Variants in MREG observed in about 807,000 individuals in gnomAD.
The protein encoded by MREG is melanoregulin.
A neutral mutation model predicts 28.5 loss-of-function variants in MREG; 31 were observed. That is an observed-to-expected ratio of 1.09 (90% CI 0.82 to 1.47). The LOEUF is 1.47. Ranked by LOEUF, MREG falls within the 40% of genes most tolerant of loss-of-function variation. The pLI is 0.00. For synonymous variants in MREG, 106 were observed against 95.2 expected (o/e 1.11, Z -0.66); for missense variants, 256 against 257.4 (o/e 0.99, Z 0.04).
chr2:216,008,367 T>C (rs1694216687), intron 1 of MREG, among the ~76,000 whole-genome samples: 2 of 152,244 alleles, frequency 1.3e-5, no homozygotes, highest in South Asian at 4.1e-4. Flanking sequence ...TTCTATTAGC[T>C]GTTAATAACT....
intron 2 of MREG, among the ~76,000 whole-genome samples, chr2:215,986,424 G>A (rs914637811): frequency 6.6e-6 from 1 of 152,178 alleles, no homozygotes; most frequent in Non-Finnish European, 1.5e-5. Flanking sequence ...TCAATATGTG[G>A]GGTGAAGGGC....
chr2:215,976,165 C>T (rs545474840), intron 2 of MREG, among the ~76,000 whole-genome samples: 27 of 152,028 alleles, frequency 1.8e-4, no homozygotes, highest in African/African-American at 6.0e-4. Context: ...CTTGGCAGTG[C>T]ATTAAGTTCC....
Position 215,965,466 on chromosome 2 carries a change from T to C in MREG, c.256-18353A>G, listed in dbSNP as rs1265796299. On this transcript the variant is annotated intron_variant, in intron 2 of 4. Coordinates refer to ENST00000263268, the MANE Select transcript of MREG (RefSeq NM_018000.3). The stretch of plus-strand genomic sequence containing the variant: ...GATAGGGGAGAACATTCAGCAGAGA[T>C]AGGCAGGGGATACAGAGGGAGGAAG... Among the ~76,000 whole-genome samples the C allele has an allele frequency of 4.6e-5, 7 of 152,092 alleles. No homozygotes were observed. In the East Asian group the frequency reaches 9.6e-4, roughly 21 times the overall value.
chr2:215,992,576 A>T (rs972976209), intron 2 of MREG, among the ~76,000 whole-genome samples: 2 of 152,206 alleles, frequency 1.3e-5, no homozygotes, highest in African/African-American at 4.8e-5. Context: ...GCAATCAGGC[A>T]AGAGAAAGGA....
downstream of MREG, among the ~76,000 whole-genome samples, chr2:215,940,298 G>A (rs1574581433): frequency 1.3e-5 from 2 of 152,186 alleles, no homozygotes; most frequent in African/African-American, 2.4e-5. Flanking sequence ...CATCCTGTAC[G>A]TAGTTGTGAT....
chr2:215,947,947 G>A (rs1692364216), intron 2 of MREG, among the ~76,000 whole-genome samples: 1 of 152,126 alleles, frequency 6.6e-6, no homozygotes, highest in African/African-American at 2.4e-5. Flanking sequence ...TTGTCTTTAA[G>A]GAGGCTTGTC....
At chr2:215,987,967 T>G (rs1325837444) in intron 2 of MREG, among the ~76,000 whole-genome samples, 1 of 152,158 alleles carries the variant, frequency 6.6e-6, no homozygotes, top group Non-Finnish European at 1.5e-5. Flanking sequence ...TGAAAAGGTT[T>G]ATTTCAAATC....
At chr2:216,023,117 G>A (rs1042531084) in intron 1 of MREG, among the ~76,000 whole-genome samples, 4 of 152,222 alleles carry the variant, frequency 2.6e-5, no homozygotes, top group South Asian at 2.1e-4. Flanking sequence ...CAACTCTCCC[G>A]GACAAGTTCT....
At position 215,944,768 on chromosome 2, in the gene MREG, C is replaced by T; in HGVS notation, c.*95G>A. The T allele has an allele frequency of 7.9e-7, 1 of 1,265,400 alleles. No individual in the cohort carries two copies. The highest frequency in any genetic ancestry group is 1.1e-6 in the Non-Finnish European group (1 of 930,096). The allele number at this position is 1,265,400 out of a possible 1,614,324, so 78.4% of individuals were successfully genotyped here. A position where few individuals can be genotyped will look rare whatever the true frequency, so the allele number is the denominator to read the frequency against. Reference sequence around the variant, plus strand: ...AGTATCATTTTTCACTAAGCAAACTCTATTTGCTCACTCTCTTCTACATGT... The same window carrying T: ...AGTATCATTTTTCACTAAGCAAACTTTATTTGCTCACTCTCTTCTACATGT... On this transcript the variant is annotated 3_prime_UTR_variant, in exon 5 of 5. Coordinates refer to ENST00000263268, the MANE Select transcript of MREG (RefSeq NM_018000.3).
At chr2:216,024,894 AG>A (rs1448222377) in intron 1 of MREG, among the ~76,000 whole-genome samples, 1 of 128,934 alleles carries the variant, frequency 7.8e-6, no homozygotes, top group African/African-American at 2.6e-5. Flanking sequence ...AAAAAAAAAA[AG>A]GAAGGGAAAG....
At chr2:216,004,172 G>A (rs75782902) in intron 1 of MREG, among the ~76,000 whole-genome samples, 6,796 of 152,106 alleles carry the variant, frequency 0.045, 226 homozygotes, top group South Asian at 0.15. Flanking sequence ...TGACAGCCAC[G>A]TCCTCACTCC....
chr2:216,021,324 G>A lies in MREG; in HGVS notation c.-68+11465C>T, dbSNP rs55662578. On this transcript the variant is annotated intron_variant, in intron 1 of 3. Coordinates refer to the MREG transcript ENST00000420348. Reference sequence around the variant, plus strand: ...AACCACACCCAGCTAATATTTTGGGGTTATCCACCCGCCTCGGCCTCCCAA... The same window carrying A: ...AACCACACCCAGCTAATATTTTGGGATTATCCACCCGCCTCGGCCTCCCAA... Among the ~76,000 whole-genome samples, 563 of 152,148 alleles carry A rather than the reference G, an allele frequency of 3.7e-3. 1 individual carries two copies. Among genetic ancestry groups the A allele is most frequent in the Middle Eastern group, 0.014 (4 of 294 alleles).
Position 215,943,648 on chromosome 2 carries a change from T to C in MREG, c.*1215A>G, listed in dbSNP as rs771392272. 8.3e-6 allele frequency: 3 copies of C among 363,088 alleles called. No individual in the cohort carries two copies. Among genetic ancestry groups the C allele is most frequent in the Non-Finnish European group, 1.6e-5 (3 of 184,180 alleles). The allele number at this position is 363,088 out of a possible 1,614,324, so 22.5% of individuals were successfully genotyped here. Reference sequence around the variant, plus strand: ...CGAGGTCAGGAGATCGAGACCATCGTGGCTAACATGGTGAAACCCCGTCTC... The same window carrying C: ...CGAGGTCAGGAGATCGAGACCATCGCGGCTAACATGGTGAAACCCCGTCTC... On this transcript the variant is annotated 3_prime_UTR_variant, in exon 5 of 5. Transcript: ENST00000263268.
At chr2:216,006,024 G>C (rs747854621) in intron 1 of MREG, among the ~76,000 whole-genome samples, 1 of 152,138 alleles carries the variant, frequency 6.6e-6, no homozygotes, top group Non-Finnish European at 1.5e-5. Context: ...AATGACTTCA[G>C]GTGCTAACAG....
In MREG at chr2:215,949,084, CTACTAA is replaced by C. The variant is rs1325150860; in HGVS notation, c.256-1977_256-1972del. ...ACTACTACTACTACTACTACTACTA[CTACTAA>C]TAATAATAATAATAATACAAAAATT... is the stretch of plus-strand genomic sequence containing the variant. On this transcript the variant is annotated intron_variant, in intron 2 of 4. Coordinates refer to ENST00000263268, the MANE Select transcript of MREG (RefSeq NM_018000.3). Among the ~76,000 whole-genome samples the C allele has an allele frequency of 6.5e-3, 745 of 115,362 alleles. 2 individuals carry two copies. Among genetic ancestry groups the C allele is most frequent in the South Asian group, 0.018 (60 of 3,340 alleles). 75.7% of individuals were successfully genotyped at this position (115,362 alleles called of 152,430 possible). A position where few individuals can be genotyped will look rare whatever the true frequency, so the allele number is the denominator to read the frequency against.
At chr2:215,941,601 T>C (rs2105961150), downstream of MREG, 1 of 152,338 alleles carries the variant, frequency 6.6e-6, no homozygotes, top group Non-Finnish European at 1.5e-5. Flanking sequence ...AAGACCTTCT[T>C]GGAGACCTAG....
Position 216,030,389 on chromosome 2 carries a change from C to G in MREG, c.-68+2400G>C, listed in dbSNP as rs568831765. On this transcript the variant is annotated intron_variant, in intron 1 of 3. Coordinates refer to the MREG transcript ENST00000420348. ...TCTTGAACAAGTTTCTTGACCTGTT[C>G]ATGCCAGTTTCCTCAACTGTAAAAT... Among the ~76,000 whole-genome samples, 10 of 152,266 alleles carry G rather than the reference C, an allele frequency of 6.6e-5. No homozygotes were observed. The South Asian group carries it at 2.1e-3, about 32-fold the overall frequency.
intron 1 of MREG, among the ~76,000 whole-genome samples, chr2:215,998,267 T>C (rs1206707817): frequency 6.7e-6 from 1 of 150,188 alleles, no homozygotes; most frequent in Non-Finnish European, 1.5e-5. Flanking sequence ...ATCGCGCCAT[T>C]GTACTCCAGT....
rs886270207 is a variant in MREG, at chr2:215,989,075, C to A, written c.255+7231G>T. 2.0e-5 allele frequency among the ~76,000 whole-genome samples: 3 copies of A among 149,046 alleles called. No homozygotes were observed. In the East Asian group the frequency reaches 6.9e-4, roughly 34 times the overall value. ...ACAGACTGCCTCCTCAAGTGGGTCC[C>A]TGACCCCTATGCCTCCTGACCAGGA... On this transcript the variant is annotated intron_variant, in intron 2 of 4. Coordinates refer to ENST00000263268, the MANE Select transcript of MREG (RefSeq NM_018000.3).
Sources: gnomAD v4.1 joint callset for allele counts (sites outside exome capture counted in the v4.1 genomes callset) on GRCh38, gnomAD v4.1.1 for gene constraint, MANE v1.5 for transcripts, NCBI Gene and HGNC (gene_info 2026-07-23, HGNC 2026-07-21) for gene names.